SLTM: variants seen among roughly 807,000 people sequenced by gnomAD.
SLTM encodes the protein SAFB like transcription modulator, also known as SAFB-like transcription modulator.
In SLTM, 43 loss-of-function variants were observed where a neutral mutation model predicts 134.6. The observed-to-expected ratio is 0.32, with a 90% CI of 0.25 to 0.41. SLTM has a LOEUF of 0.41. Among genes scored for constraint, SLTM ranks in the 10% least tolerant of loss-of-function variants. The pLI is 1.00. For missense variants in SLTM, 1,055 were observed against 1,288.8 expected, an observed-to-expected ratio of 0.82 and a Z score of 2.78; for synonymous variants, 424 against 432.3, an observed-to-expected ratio of 0.98 and a Z score of 0.24.
intron 8 of SLTM, chr15:58,897,956 A>T (rs1173834737): frequency 6.6e-6 from 1 of 152,126 alleles, no homozygotes; most frequent in Non-Finnish European, 1.5e-5. Flanking sequence ...TTTTCTTCAA[A>T]TGTGCTGTAA....
At chr15:58,885,428 G>A (rs1418691178) in intron 19 of SLTM, among the ~76,000 whole-genome samples, 1 of 152,158 alleles carries the variant, frequency 6.6e-6, no homozygotes, top group Non-Finnish European at 1.5e-5. Context: ...TGAATGCGGA[G>A]GGCTAGTCTT....
At chr15:58,931,015 C>T (rs1029845433) in intron 2 of SLTM, among the ~76,000 whole-genome samples, 60 of 152,106 alleles carry the variant, frequency 3.9e-4, no homozygotes, top group Non-Finnish European at 5.6e-4. Context: ...ACTAGCACAG[C>T]ATGCTAGGTA....
chr15:58,892,473 T>C lies in SLTM; in HGVS notation c.1898+424A>G, dbSNP rs527450196. Among the ~76,000 whole-genome samples the C allele has an allele frequency of 4.6e-5, 7 of 152,324 alleles. No homozygotes were observed. In the East Asian group the frequency reaches 9.6e-4, roughly 21 times the overall value. ...ACAGTATTTGAACACTGTAGCTACT[T>C]TGAAACTATCTTATCTCAAATTTTT... is the stretch of plus-strand genomic sequence containing the variant. On this transcript the variant is annotated intron_variant, in intron 14 of 20. Transcript: ENST00000380516.
Position 58,879,839 on chromosome 15 carries a change from C to T in SLTM, c.*160G>A, listed in dbSNP as rs1186805023. 1 of 882,586 alleles carries T rather than the reference C, an allele frequency of 1.1e-6. No homozygotes were observed. The highest frequency in any genetic ancestry group is 2.3e-5 in the South Asian group (1 of 44,258). The allele number at this position is 882,586 out of a possible 1,614,324, so 54.7% of individuals were successfully genotyped here. On this transcript the variant is annotated 3_prime_UTR_variant, in exon 21 of 21. Transcript: ENST00000380516. ...AAAAGTTACAACAGAACTATTTAAA[C>T]ATCTTCTCCAAAATTGAGAAAAGCA...
At chr15:58,880,146 A>T in intron 20 of SLTM, 39 bp from the exon 21 acceptor site, 1 of 1,602,418 alleles carries the variant, frequency 6.2e-7, no homozygotes, top group Middle Eastern at 1.7e-4. Flanking sequence ...CAGAGAACAA[A>T]GAACAAATCA....
chr15:58,884,511 G>T (rs1356131962), intron 19 of SLTM, among the ~76,000 whole-genome samples: 16 of 152,102 alleles, frequency 1.1e-4, no homozygotes, highest in Non-Finnish European at 2.2e-4. Context: ...TGGAGACGGG[G>T]TTTCACCATG....
intron 9 of SLTM, among the ~76,000 whole-genome samples, chr15:58,896,433 G>A (rs972705443): frequency 2.6e-5 from 4 of 152,028 alleles, no homozygotes; most frequent in Non-Finnish European, 4.4e-5. Context: ...AGTTGCTCAT[G>A]CCTGTAATCC....
intron 2 of SLTM, among the ~76,000 whole-genome samples, chr15:58,918,483 A>G (rs949506635): frequency 1.3e-5 from 2 of 152,192 alleles, no homozygotes; most frequent in African/African-American, 4.8e-5. Context: ...AATGAGTGAT[A>G]AAAGGGGAAA....
rs2034296454 is a variant in SLTM, at chr15:58,887,300, C to T, written c.2616G>A (p.Glu872=). 2 of 1,614,092 alleles carry T rather than the reference C, an allele frequency of 1.2e-6. No individual in the cohort carries two copies. Among genetic ancestry groups the T allele is most frequent in the Non-Finnish European group, 1.7e-6 (2 of 1,180,014 alleles). Residue 872 remains glutamate, a synonymous_variant, in exon 18 of 21, where the codon GAG becomes GAA. Coordinates refer to ENST00000380516, the MANE Select transcript of SLTM (RefSeq NM_024755.4). ...PDITHPRHPR[E]AGPNPSRPTS... is the part of the protein sequence containing the mutation. ...TGGGTCTGGAAGGATTGGGCCCTGC[C>T]TCTCGAGGATGTCTAGGATGAGTGA...
chr15:58,895,438 G>T (rs745392032), intron 9 of SLTM, among the ~76,000 whole-genome samples: 4 of 152,178 alleles, frequency 2.6e-5, no homozygotes, highest in Admixed American at 6.5e-5. Context: ...TTAGTTAAGA[G>T]AGACAAAGCA....
chr15:58,895,516 A>C (rs545013478), intron 9 of SLTM, among the ~76,000 whole-genome samples: 2 of 152,322 alleles, frequency 1.3e-5, no homozygotes, highest in Admixed American at 6.5e-5. Flanking sequence ...TAAAGACATA[A>C]AGCTGGGAAG....
chr15:58,879,930 T>C lies in SLTM; in HGVS notation c.*69A>G. 6.4e-7 allele frequency: 1 copy of C among 1,560,804 alleles called. No individual in the cohort carries two copies. Among genetic ancestry groups the C allele is most frequent in the Non-Finnish European group, 8.7e-7 (1 of 1,149,800 alleles). On this transcript the variant is annotated 3_prime_UTR_variant, in exon 21 of 21. Transcript: ENST00000380516. ...TCAAGCAAGTCAGAGGTCCTCTTCA[T>C]AAGTAGTCAAGTAAAGTTTACAGGA...
chr15:58,919,942 A>G (rs1322808645), intron 2 of SLTM, among the ~76,000 whole-genome samples: 1 of 152,134 alleles, frequency 6.6e-6, no homozygotes, highest in Admixed American at 6.6e-5. Flanking sequence ...TTCGTGACCA[A>G]TCTTGTCCTG....
intron 20 of SLTM, among the ~76,000 whole-genome samples, chr15:58,880,636 C>T (rs900272702): frequency 6.6e-6 from 1 of 152,218 alleles, no homozygotes; most frequent in Non-Finnish European, 1.5e-5. Flanking sequence ...TGGCTCACTG[C>T]AGCAGCCTTG....
chr15:58,894,270 G>A, intron 10 of SLTM, 77 bp from the exon 11 acceptor site: 1 of 1,409,746 alleles, frequency 7.1e-7, no homozygotes, highest in Non-Finnish European at 9.8e-7. Context: ...GCTAATGGCA[G>A]AAAATTTGGA....
At chr15:58,904,924 T>A (rs2035766292) in intron 5 of SLTM, among the ~76,000 whole-genome samples, 1 of 152,156 alleles carries the variant, frequency 6.6e-6, no homozygotes, top group Non-Finnish European at 1.5e-5. Flanking sequence ...TTGGCCAAGA[T>A]GGTCTCTAAC....
intron 5 of SLTM, among the ~76,000 whole-genome samples, chr15:58,911,486 C>T (rs370829749): frequency 1.3e-5 from 2 of 152,180 alleles, no homozygotes; most frequent in South Asian, 2.1e-4. Context: ...CTAGAGCTAA[C>T]ACATACCAAT....
intron 5 of SLTM, among the ~76,000 whole-genome samples, chr15:58,905,353 A>C (rs1316356544): frequency 1.3e-5 from 2 of 152,184 alleles, no homozygotes; most frequent in East Asian, 3.8e-4. Flanking sequence ...TGTTGAAGGA[A>C]TAAATAAACT....
intron 16 of SLTM, chr15:58,888,804 A>G (rs1474692448): frequency 2.9e-6 from 1 of 343,640 alleles, no homozygotes; most frequent in Non-Finnish European, 5.2e-6. Flanking sequence ...CATTAAATGG[A>G]AAAGACATTT....
Sources: gnomAD v4.1 joint callset for allele counts (sites outside exome capture counted in the v4.1 genomes callset) on GRCh38, gnomAD v4.1.1 for gene constraint, MANE v1.5 for transcripts, NCBI Gene and HGNC (gene_info 2026-07-23, HGNC 2026-07-21) for gene names.